The following TSGA10IP variants were observed in gnomAD, a reference collection of about 807,000 sequenced individuals.
TSGA10IP encodes testis-specific protein 10-interacting protein.
TSGA10IP carries 64 observed loss-of-function variants against 63.2 expected under a neutral mutation model. The ratio of observed to expected loss-of-function variants is 1.01; its 90% CI spans 0.83 to 1.25. The LOEUF (loss-of-function observed/expected upper bound fraction) is 1.25, where lower values mean the gene tolerates loss of function less well. Among genes scored for constraint, TSGA10IP ranks in the 50% most tolerant of loss-of-function variants. TSGA10IP has a pLI of 0.00. For synonymous variants in TSGA10IP, 316 were observed against 298.3 expected (o/e 1.06, Z -0.61); for missense variants, 681 against 710.1 (o/e 0.96, Z 0.47).
intron 5 of TSGA10IP, 24 bp from the exon 6 acceptor site, chr11:65,958,859 C>T: frequency 1.2e-6 from 2 of 1,601,418 alleles, no homozygotes; most frequent in Non-Finnish European, 1.7e-6. Flanking sequence ...TGGTTAGCTG[C>T]ACAAAGGCCT....
chr11:65,959,352 T>C, intron 7 of TSGA10IP, 38 bp downstream of exon 7: 1 of 1,605,620 alleles, frequency 6.2e-7, no homozygotes, highest in South Asian at 1.1e-5. Flanking sequence ...GACTCTGCCA[T>C]GCTGCTGCGG....
At chr11:65,950,501 C>T (rs891757585) in intron 4 of TSGA10IP, among the ~76,000 whole-genome samples, 2 of 151,898 alleles carry the variant, frequency 1.3e-5, no homozygotes, top group Non-Finnish European at 2.9e-5. Flanking sequence ...CTCAAGTGAT[C>T]CTCCCACTTC....
intron 4 of TSGA10IP, among the ~76,000 whole-genome samples, chr11:65,949,850 G>GA (rs1555055659): frequency 1.1e-4 from 11 of 101,704 alleles, no homozygotes; most frequent in Non-Finnish European, 1.6e-4. Context: ...CATTACCTCG[G>GA]TTTTTTTTTT....
chr11:65,956,229 C>G (rs1414237011), intron 5 of TSGA10IP, among the ~76,000 whole-genome samples: 2 of 151,792 alleles, frequency 1.3e-5, no homozygotes, highest in African/African-American at 4.8e-5. Flanking sequence ...CCTCTGCCTC[C>G]CGGGTTCAAG....
In TSGA10IP at chr11:65,947,531, C is replaced by T. The variant is rs776434958; in HGVS notation, c.706C>T (p.Gln236Ter). ...GGGTCTGAGTTCTGGGGTGCTGCCCCAGCGCCCCAGGAGGGGGTCGATCTC... is the reference window on the plus strand; with the variant it reads ...GGGTCTGAGTTCTGGGGTGCTGCCCTAGCGCCCCAGGAGGGGGTCGATCTC... Residue 236 changes from glutamine (Q) to a stop codon, truncating the protein, a stop_gained, in exon 3 of 8, where the codon CAG becomes TAG. Transcript: ENST00000532620. LOFTEE classifies it high-confidence loss of function. 7 of 1,613,674 alleles carry T rather than the reference C, an allele frequency of 4.3e-6. No homozygotes were observed. The South Asian group carries it at 7.7e-5, about 18-fold the overall frequency.
At chr11:65,955,218 T>TAAGG (rs916535091) in intron 5 of TSGA10IP, among the ~76,000 whole-genome samples, 6 of 152,048 alleles carry the variant, frequency 3.9e-5, no homozygotes, top group African/African-American at 1.4e-4. Context: ...ACATTATGAA[T>TAAGG]AAGGGGCTTT....
chr11:65,959,327 G>A lies in TSGA10IP; in HGVS notation c.1547+13G>A, dbSNP rs770166413. The A allele has an allele frequency of 2.9e-5, 47 of 1,609,974 alleles. No homozygotes were observed. Among genetic ancestry groups the A allele is most frequent in the Admixed American group, 1.3e-4 (8 of 59,774 alleles). On this transcript the variant is annotated intron_variant, in intron 7 of 7. Transcript: ENST00000532620. Reference sequence around the variant, plus strand: ...CCAGGAAACCCAGGTGAGTCTCCCCGTCAGGTCAAGAACTGACTCTGCCAT... The same window carrying A: ...CCAGGAAACCCAGGTGAGTCTCCCCATCAGGTCAAGAACTGACTCTGCCAT...
chr11:65,945,802 A>T (rs777879300), exon 1 of TSGA10IP: 1 of 1,613,864 alleles, frequency 6.2e-7, no homozygotes, highest in Middle Eastern at 1.7e-4. Flanking sequence ...GCTGCTGTCG[A>T]CCGTCTCTCA....
intron 5 of TSGA10IP, among the ~76,000 whole-genome samples, chr11:65,955,027 A>G (rs78665460): frequency 0.018 from 2,774 of 152,292 alleles, 86 homozygotes; most frequent in African/African-American, 0.063. Flanking sequence ...AGCATATACA[A>G]TCTCTACCTA....
At chr11:65,949,153 A>T (rs1406010291) in intron 4 of TSGA10IP, among the ~76,000 whole-genome samples, 2 of 152,182 alleles carry the variant, frequency 1.3e-5, no homozygotes, top group Non-Finnish European at 2.9e-5. Context: ...GCAGTGAGCC[A>T]TGATGACATC....
At chr11:65,945,729 G>A (rs369328949) in exon 1 of TSGA10IP, 131 of 1,610,672 alleles carry the variant, frequency 8.1e-5, no homozygotes, top group Admixed American at 1.0e-4. Context: ...TTAGGACCCC[G>A]TCGGTGCGAC....
exon 3 of TSGA10IP, chr11:65,947,221 C>A: frequency 6.2e-7 from 1 of 1,608,508 alleles, no homozygotes; most frequent in Non-Finnish European, 8.5e-7. Context: ...CCCCTGGCCA[C>A]CAAGCCCTGC....
intron 5 of TSGA10IP, among the ~76,000 whole-genome samples, 180 bp downstream of exon 5, chr11:65,953,917 C>G (rs1237012642): frequency 1.3e-5 from 2 of 152,176 alleles, no homozygotes. Flanking sequence ...CGAAGGCCAC[C>G]CAGTTAATAA....
At chr11:65,958,804 G>A in intron 5 of TSGA10IP, 79 bp from the exon 6 acceptor site, 2 of 1,185,358 alleles carry the variant, frequency 1.7e-6, no homozygotes, top group Non-Finnish European at 2.4e-6. Context: ...CAAGTCCTTA[G>A]TGAAGATAAG....
exon 8 of TSGA10IP, chr11:65,959,889 C>G: frequency 6.2e-7 from 1 of 1,611,518 alleles, no homozygotes; most frequent in Non-Finnish European, 8.5e-7. Context: ...CCACCGGCAG[C>G]CAGCCTGACA....
chr11:65,949,560 G>A (rs1321372820), intron 4 of TSGA10IP, among the ~76,000 whole-genome samples: 1 of 151,924 alleles, frequency 6.6e-6, no homozygotes, highest in Non-Finnish European at 1.5e-5. Flanking sequence ...GGGACTACAG[G>A]AGCCCACCAC....
At chr11:65,958,797 G>A in intron 5 of TSGA10IP, 86 bp from the exon 6 acceptor site, 7 of 1,070,548 alleles carry the variant, frequency 6.5e-6, no homozygotes, top group Non-Finnish European at 9.6e-6. Flanking sequence ...TGAATATCAA[G>A]TCCTTAGTGA....
chr11:65,952,672 T>C (rs928014915), intron 4 of TSGA10IP, among the ~76,000 whole-genome samples: 1 of 152,036 alleles, frequency 6.6e-6, no homozygotes, highest in African/African-American at 2.4e-5. Context: ...ATTGTATATA[T>C]AGACCACCTT....
rs747922305 is a variant in TSGA10IP at position 65,946,876 on chromosome 11, C to T, written c.148-4C>T. 1.9e-6 allele frequency: 3 copies of T among 1,613,484 alleles called. No individual in the cohort carries two copies. The highest frequency in any genetic ancestry group is 3.3e-5 in the Admixed American group (2 of 59,900). On this transcript the variant is annotated splice_polypyrimidine_tract_variant and splice_region_variant and intron_variant, in intron 1 of 7. Transcript: ENST00000532620. ...GCTGCTCCTCCCCTACTGTCTCTGC[C>T]CAGGGCTGCCTGGGGAGTGGTGATG...
Sources: gnomAD v4.1 joint callset for allele counts (sites outside exome capture counted in the v4.1 genomes callset) on GRCh38, gnomAD v4.1.1 for gene constraint, MANE v1.5 for transcripts, NCBI Gene and HGNC (gene_info 2026-07-23, HGNC 2026-07-21) for gene names.